The following EML5 variants were observed in gnomAD, a reference collection of about 807,000 sequenced individuals.
EML5 encodes echinoderm microtubule-associated protein-like 5.
A neutral mutation model predicts 250.0 loss-of-function variants in EML5; 120 were observed. The ratio of observed to expected loss-of-function variants is 0.48; its 90% CI spans 0.41 to 0.56. The LOEUF (loss-of-function observed/expected upper bound fraction) is 0.56. EML5 is among the 20% of genes least tolerant of loss of function. The pLI is 0.00. For synonymous variants in EML5, 771 were observed against 806.5 expected (o/e 0.96, Z 0.75); for missense variants, 2,006 against 2,437.6 (o/e 0.82, Z 3.73).
chr14:88,657,687 A>G (rs1226296860), intron 26 of EML5, among the ~76,000 whole-genome samples, 185 bp from the exon 27 acceptor site: 2 of 152,332 alleles, frequency 1.3e-5, no homozygotes, highest in East Asian at 1.9e-4. Flanking sequence ...TGATGTTTTC[A>G]AAGTATTACT....
intron 19 of EML5, among the ~76,000 whole-genome samples, chr14:88,685,727 G>C (rs1380193900): frequency 1.3e-5 from 2 of 152,072 alleles, no homozygotes; most frequent in Non-Finnish European, 2.9e-5. Flanking sequence ...TGGGATTACA[G>C]ATGTGGGCCA....
At chr14:88,655,298 G>C (rs1038601642) in intron 27 of EML5, among the ~76,000 whole-genome samples, 3 of 152,106 alleles carry the variant, frequency 2.0e-5, no homozygotes, top group Non-Finnish European at 4.4e-5. Context: ...CAATGGAACA[G>C]AACAGAGGCC....
intron 1 of EML5, among the ~76,000 whole-genome samples, chr14:88,772,663 G>T (rs2100024874): frequency 6.6e-6 from 1 of 151,956 alleles, no homozygotes; most frequent in African/African-American, 2.4e-5. Flanking sequence ...TGAGGCAGAA[G>T]AATCGCTTGA....
chr14:88,707,582 C>T (rs1476263546), intron 10 of EML5, among the ~76,000 whole-genome samples: 2 of 151,998 alleles, frequency 1.3e-5, no homozygotes, highest in Non-Finnish European at 2.9e-5. Context: ...ACTTGTATAT[C>T]AGGATGTCAA....
chr14:88,769,844 A>T (rs576093198), intron 1 of EML5, among the ~76,000 whole-genome samples: 73 of 152,268 alleles, frequency 4.8e-4, no homozygotes, highest in African/African-American at 1.7e-3. Context: ...TTCTTACTCC[A>T]AGAGTGAGAA....
Position 88,792,181 on chromosome 14 carries a change from A to T in EML5, c.197+126T>A. On this transcript the variant is annotated intron_variant, in intron 1 of 43. Coordinates refer to ENST00000554922, the MANE Select transcript of EML5 (RefSeq NM_183387.3). This position sits in a 1 kb window ranked among gnomAD's most constrained non-coding sequence, Gnocchi z 6.9. Reference sequence around the variant, plus strand: ...AACTGGTGGACTCGGGACCAGAGAGACAGCTGCGGATTCCCCTCGGGGTGA... The same window carrying T: ...AACTGGTGGACTCGGGACCAGAGAGTCAGCTGCGGATTCCCCTCGGGGTGA... 8.7e-7 allele frequency: 1 copy of T among 1,146,446 alleles called. No homozygotes were observed. The highest frequency in any genetic ancestry group is 1.2e-6 in the Non-Finnish European group (1 of 828,936). The allele number at this position is 1,146,446 out of a possible 1,614,324, so 71.0% of individuals were successfully genotyped here.
At position 88,620,917 on chromosome 14, in the gene EML5, T is replaced by C; in HGVS notation, c.5212A>G (p.Asn1738Asp). Residue 1738 changes from asparagine (N) to aspartate (D), a missense_variant, in exon 39 of 44, where the codon AAC (asparagine) becomes GAC (aspartate). Physicochemically the swap from Asn to Asp is conservative, Grantham distance 23 (BLOSUM62 1). Coordinates refer to ENST00000554922, the MANE Select transcript of EML5 (RefSeq NM_183387.3). This position sits in a 1 kb window ranked among gnomAD's most constrained non-coding sequence, Gnocchi z 4.3. ...GCAGCATGTCCCAAATTCACTTTGTTTAACATCTTCTGCATTTAAAAAAAA... is the reference window on the plus strand; with the variant it reads ...GCAGCATGTCCCAAATTCACTTTGTCTAACATCTTCTGCATTTAAAAAAAA... ...LWDIADKKML[N>D]KVNLGHAART... 2 of 1,503,660 alleles carry C rather than the reference T, an allele frequency of 1.3e-6. No individual in the cohort carries two copies. Among genetic ancestry groups the C allele is most frequent in the Non-Finnish European group, 1.8e-6 (2 of 1,133,938 alleles). 93.1% of individuals were successfully genotyped at this position (1,503,660 alleles called of 1,614,324 possible). A position where few individuals can be genotyped will look rare whatever the true frequency, so the allele number is the denominator to read the frequency against.
intron 17 of EML5, among the ~76,000 whole-genome samples, chr14:88,690,599 T>C (rs74740009): frequency 0.013 from 1,947 of 152,302 alleles, 17 homozygotes; most frequent in Non-Finnish European, 0.02. Context: ...AAATTGAAAG[T>C]AGGAACAACT....
chr14:88,746,312 G>A (rs770141865), intron 2 of EML5, 29 bp from the exon 3 acceptor site: 2 of 1,559,040 alleles, frequency 1.3e-6, no homozygotes, highest in South Asian at 1.2e-5. Flanking sequence ...GTCCAGGAAG[G>A]AATAAAAAGG....
intron 6 of EML5, among the ~76,000 whole-genome samples, chr14:88,738,325 G>A (rs902870918): frequency 2.6e-5 from 4 of 151,652 alleles, no homozygotes; most frequent in Non-Finnish European, 4.4e-5. Flanking sequence ...CAACTTGTAG[G>A]TGACTGGAAT....
In EML5 at chr14:88,702,478, G is replaced by T; in HGVS notation, c.2206C>A (p.His736Asn). 6.2e-7 allele frequency: 1 copy of T among 1,612,960 alleles called. No homozygotes were observed. Among genetic ancestry groups the T allele is most frequent in the Non-Finnish European group, 8.5e-7 (1 of 1,179,440 alleles). ...HDDDILCLTI[H>N]PLKDYVATGQ... ...GTTGCCACGTAGTCTTTCAAAGGAT[G>T]AATAGTTAGGCAGAGAATATCATCA... Residue 736 changes from histidine (H) to asparagine (N), a missense_variant, in exon 14 of 44, where the codon CAT (histidine) becomes AAT (asparagine). By Grantham distance (68) the His-to-Asn change is moderately conservative. Coordinates refer to ENST00000554922, the MANE Select transcript of EML5 (RefSeq NM_183387.3).
chr14:88,705,401 T>G, intron 12 of EML5, 81 bp downstream of exon 12: 3 of 1,020,404 alleles, frequency 2.9e-6, no homozygotes, highest in Non-Finnish European at 4.5e-6. Flanking sequence ...CCACAAAAGA[T>G]AACAACAGAT....
At chr14:88,641,625 C>T (rs866011615) in intron 31 of EML5, among the ~76,000 whole-genome samples, 2 of 152,100 alleles carry the variant, frequency 1.3e-5, no homozygotes, top group African/African-American at 4.8e-5. Flanking sequence ...TCCAACATCC[C>T]TTTCATGTTA....
chr14:88,712,463 T>C lies in EML5; in HGVS notation c.1465A>G (p.Thr489Ala), dbSNP rs534959461. 8 of 1,612,162 alleles carry C rather than the reference T, an allele frequency of 5.0e-6. No homozygotes were observed. In the South Asian group the frequency reaches 5.5e-5, roughly 11 times the overall value. ...CAATGAACACCTTTTATTTCTTCTG[T>C]ACTTGTCACTTCCTTTCCTCCTAAA... ...RMPGGKEVTSTEEIKGVHWAS... is the reference protein window; with the variant it reads ...RMPGGKEVTSAEEIKGVHWAS... Residue 489 changes from threonine to alanine, a missense_variant, in exon 10 of 44, where the codon ACA becomes GCA. By Grantham distance (58) the Thr-to-Ala change is moderately conservative. Around this residue, in one of 7 missense-constraint regions of EML5, gnomAD observed 1,375 missense variants for 1,590.3 expected, o/e 0.86. Coordinates refer to ENST00000554922, the MANE Select transcript of EML5 (RefSeq NM_183387.3).
intron 15 of EML5, 84 bp from the exon 16 acceptor site, chr14:88,695,538 C>T (rs2093058136): frequency 1.6e-6 from 2 of 1,234,958 alleles, no homozygotes; most frequent in Non-Finnish European, 2.3e-6. Context: ...AAACCCACAT[C>T]CTATATTTAA....
chr14:88,726,080 C>A (rs992819874), intron 8 of EML5, among the ~76,000 whole-genome samples: 3 of 152,036 alleles, frequency 2.0e-5, no homozygotes, highest in Non-Finnish European at 2.9e-5. Context: ...ACTGCTTTAC[C>A]AAATTCTTTA....
chr14:88,647,171 G>A lies in EML5; in HGVS notation c.4020-216C>T, dbSNP rs529662212. Among the ~76,000 whole-genome samples the A allele has an allele frequency of 3.9e-5, 6 of 152,140 alleles. No homozygotes were observed. In the East Asian group the frequency reaches 1.2e-3, roughly 29 times the overall value. On this transcript the variant is annotated intron_variant, in intron 28 of 43. Transcript: ENST00000554922. ...AGGTCAGGAGTTCGAGACCAGCCTG[G>A]CCAACATGGTGAAATCCCGTCTCTA...
chr14:88,693,659 A>T (rs562656869), intron 17 of EML5, among the ~76,000 whole-genome samples: 3 of 152,280 alleles, frequency 2.0e-5, no homozygotes, highest in African/African-American at 7.2e-5. Context: ...AATTACTTTT[A>T]AAAAATAAAC....
At chr14:88,633,327 C>G (rs945656847) in intron 33 of EML5, among the ~76,000 whole-genome samples, 1 of 151,526 alleles carries the variant, frequency 6.6e-6, no homozygotes, top group African/African-American at 2.4e-5. Context: ...TTGCTGTTGC[C>G]CAGGCTGGAC....
Sources: gnomAD v4.1 joint callset for allele counts (sites outside exome capture counted in the v4.1 genomes callset) on GRCh38, gnomAD v4.1.1 for gene constraint, gnomAD v4.1.1 regional missense constraint, Gnocchi (gnomAD v3.1) non-coding constraint, MANE v1.5 for transcripts, NCBI Gene and HGNC (gene_info 2026-07-23, HGNC 2026-07-21) for gene names.